Variants in FBXO25 observed in about 807,000 individuals in gnomAD.
FBXO25 encodes F-box protein 25.
In FBXO25, 45 loss-of-function variants were observed where a neutral mutation model predicts 51.9. The observed-to-expected ratio is 0.87, with a 90% CI of 0.68 to 1.11. FBXO25 has a LOEUF of 1.11. FBXO25 is among the 50% of genes most tolerant of loss of function. The pLI, the probability that FBXO25 is intolerant of heterozygous loss-of-function variation, is 0.00. For synonymous variants in FBXO25, 199 were observed against 151.0 expected (o/e 1.32, Z -2.33); for missense variants, 507 against 428.5 (o/e 1.18, Z -1.62).
intron 9 of FBXO25, chr8:467,980 T>A: frequency 7.2e-7 from 1 of 1,379,368 alleles, no homozygotes; most frequent in African/African-American, 1.5e-5. Flanking sequence ...GGGAGGCTGC[T>A]AGATGTGCGC....
At chr8:466,380 G>C (rs756010356) in intron 9 of FBXO25, among the ~76,000 whole-genome samples, 3 of 152,186 alleles carry the variant, frequency 2.0e-5, no homozygotes, top group Admixed American at 1.3e-4. Context: ...CCACCACACA[G>C]AGGAGCTGTG....
chr8:464,856 C>G (rs1488273755), intron 9 of FBXO25, among the ~76,000 whole-genome samples: 1 of 152,070 alleles, frequency 6.6e-6, no homozygotes, highest in Admixed American at 6.5e-5. Flanking sequence ...TCTCTCTTTC[C>G]TGAAATTAAA....
intron 5 of FBXO25, among the ~76,000 whole-genome samples, chr8:445,647 G>A (rs1223047333): frequency 6.6e-6 from 1 of 152,242 alleles, no homozygotes; most frequent in Non-Finnish European, 1.5e-5. Context: ...GAGATCAGGA[G>A]TTTGAGACCA....
At chr8:411,690 A>T (rs1796490778) in intron 1 of FBXO25, among the ~76,000 whole-genome samples, 1 of 152,192 alleles carries the variant, frequency 6.6e-6, no homozygotes, top group African/African-American at 2.4e-5. Flanking sequence ...AAACACGCTA[A>T]TCATTTCAGA....
rs528731931 is a variant in FBXO25, at chr8:419,647, A to G, written c.134+6434A>G. Among the ~76,000 whole-genome samples the G allele has an allele frequency of 5.0e-4, 76 of 152,350 alleles. No homozygotes were observed. In the Middle Eastern group the frequency reaches 0.01, roughly 20 times the overall value. ...TAAAAACCTGTACAGCTCACATTTT[A>G]TACAAAAATGAACTCAAAATGGATC... On this transcript the variant is annotated intron_variant, in intron 2 of 9. Transcript: ENST00000350302.
chr8:416,143 C>A (rs1286939458), intron 2 of FBXO25, among the ~76,000 whole-genome samples: 1 of 152,216 alleles, frequency 6.6e-6, no homozygotes, highest in African/African-American at 2.4e-5. Context: ...ACTGATGTTT[C>A]TTGGTCATCT....
intron 1 of FBXO25, among the ~76,000 whole-genome samples, chr8:407,751 C>T (rs1297812444): frequency 5.9e-5 from 9 of 152,240 alleles, no homozygotes; most frequent in African/African-American, 1.7e-4. Flanking sequence ...TTTTTCCCTA[C>T]TCCTGGTCTG....
At chr8:419,645 T>G (rs559977333) in intron 2 of FBXO25, among the ~76,000 whole-genome samples, 1 of 152,308 alleles carries the variant, frequency 6.6e-6, no homozygotes, top group African/African-American at 2.4e-5. Flanking sequence ...AGCTCACATT[T>G]TATACAAAAA....
intron 9 of FBXO25, among the ~76,000 whole-genome samples, chr8:464,443 TCTGA>T (rs1800020703): frequency 6.6e-6 from 1 of 152,222 alleles, no homozygotes; most frequent in Admixed American, 6.5e-5. Context: ...GAGGGAGTCC[TCTGA>T]CTGTCCCTGG....
intron 2 of FBXO25, among the ~76,000 whole-genome samples, chr8:414,347 T>G (rs1287009588): frequency 7.2e-5 from 11 of 152,214 alleles, no homozygotes; most frequent in Non-Finnish European, 1.0e-4. Context: ...TTATGGCAGT[T>G]TTTTTAAAAT....
chr8:434,736 A>G (rs900295351), intron 4 of FBXO25, among the ~76,000 whole-genome samples: 1 of 152,186 alleles, frequency 6.6e-6, no homozygotes, highest in African/African-American at 2.4e-5. Context: ...TATTTCAAAT[A>G]TGGAGGATGA....
chr8:451,487 C>T, intron 7 of FBXO25, 34 bp downstream of exon 7: 2 of 1,582,762 alleles, frequency 1.3e-6, no homozygotes, highest in Non-Finnish European at 8.6e-7. Context: ...TTATTACACT[C>T]TGTTTTTATA....
intron 7 of FBXO25, among the ~76,000 whole-genome samples, chr8:455,063 C>T (rs994605190): frequency 3.9e-5 from 6 of 152,082 alleles, no homozygotes; most frequent in Admixed American, 2.6e-4. Flanking sequence ...AACTGGCTAA[C>T]GAAATTCCCA....
chr8:442,356 CTAAGA>C (rs1798478670), intron 5 of FBXO25, among the ~76,000 whole-genome samples: 2 of 151,850 alleles, frequency 1.3e-5, no homozygotes, highest in Admixed American at 1.3e-4. Flanking sequence ...TTAAGATACT[CTAAGA>C]TAATTACATT....
intron 8 of FBXO25, among the ~76,000 whole-genome samples, chr8:462,634 A>G (rs1258300927): frequency 8.5e-5 from 13 of 152,220 alleles, no homozygotes; most frequent in Admixed American, 8.5e-4. Flanking sequence ...TCTAAGTAAA[A>G]TAACTTAGGA....
chr8:445,445 C>G (rs1798678943), intron 5 of FBXO25, among the ~76,000 whole-genome samples: 1 of 152,130 alleles, frequency 6.6e-6, no homozygotes, highest in Non-Finnish European at 1.5e-5. Flanking sequence ...GTCCTTTTCA[C>G]TTTTTAAAAT....
intron 2 of FBXO25, among the ~76,000 whole-genome samples, chr8:426,907 G>C (rs1797523639): frequency 6.6e-6 from 1 of 152,126 alleles, no homozygotes; most frequent in African/African-American, 2.4e-5. Context: ...AGATATTTAG[G>C]AAGGAAATGT....
chr8:465,747 T>TCATGTCA (rs1276645770), intron 9 of FBXO25, among the ~76,000 whole-genome samples: 1 of 152,236 alleles, frequency 6.6e-6, no homozygotes, highest in Non-Finnish European at 1.5e-5. Flanking sequence ...CACTGTGGCA[T>TCATGTCA]CATGTCACTG....
In FBXO25 at chr8:469,826, A is replaced by C. The variant is rs1428779739; in HGVS notation, c.*1022A>C. On this transcript the variant is annotated 3_prime_UTR_variant, in exon 10 of 10. Coordinates refer to ENST00000350302, the MANE Select transcript of FBXO25 (RefSeq NM_183420.2). ...CAAGGAGCCCAAGCAAATCATTTCT[A>C]CTTTTTCCTTTAAGCATAATAATAA... 2.6e-5 allele frequency: 4 copies of C among 152,150 alleles called. No homozygotes were observed. The highest frequency in any genetic ancestry group is 2.6e-4 in the Admixed American group (4 of 15,280). 9.4% of individuals were successfully genotyped at this position (152,150 alleles called of 1,614,324 possible). A position where few individuals can be genotyped will look rare whatever the true frequency, so the allele number is the denominator to read the frequency against.
Sources: allele counts gnomAD v4.1 joint callset (sites outside exome capture counted in the v4.1 genomes callset), GRCh38; gene constraint gnomAD v4.1.1; transcripts MANE v1.5; gene names NCBI Gene and HGNC (gene_info 2026-07-23, HGNC 2026-07-21).